ZSCAN1: variants seen among roughly 807,000 people sequenced by gnomAD.
ZSCAN1 encodes zinc finger and SCAN domain-containing protein 1.
ZSCAN1 carries 23 observed loss-of-function variants against 23.8 expected under a neutral mutation model. That is an observed-to-expected ratio of 0.97 (90% confidence interval 0.70 to 1.37). ZSCAN1 has a LOEUF of 1.37. Among genes scored for constraint, ZSCAN1 ranks in the 40% most tolerant of loss-of-function variants. The pLI is 0.00. For synonymous variants in ZSCAN1, 236 were observed against 232.3 expected, an observed-to-expected ratio of 1.02 and a Z score of -0.15; for missense variants, 575 against 554.0, an observed-to-expected ratio of 1.04 and a Z score of -0.38.
intron 4 of ZSCAN1, among the ~76,000 whole-genome samples, chr19:58,043,513 C>T (rs772647865): frequency 6.6e-6 from 1 of 152,206 alleles, no homozygotes; most frequent in Non-Finnish European, 1.5e-5. Context: ...CTGGGTGAGT[C>T]TGAGTGGTGA....
At chr19:58,038,533 T>A (rs1286916307) in intron 3 of ZSCAN1, 4 of 552,942 alleles carry the variant, frequency 7.2e-6, no homozygotes, top group Non-Finnish European at 9.5e-6. Context: ...CCCAGCCACC[T>A]GCAGCGCCTC....
At chr19:58,039,770 CAAAAA>C (rs67254346) in intron 3 of ZSCAN1, among the ~76,000 whole-genome samples, 1 of 83,296 alleles carries the variant, frequency 1.2e-5, no homozygotes, top group African/African-American at 4.5e-5. Flanking sequence ...GACTCCGTCT[CAAAAA>C]AAAAAAAAAA....
intron 2 of ZSCAN1, among the ~76,000 whole-genome samples, chr19:58,036,719 C>T (rs1039063072): frequency 6.6e-5 from 10 of 151,790 alleles, no homozygotes. Flanking sequence ...TGGAATCTCA[C>T]GCTGTCACTC....
intron 4 of ZSCAN1, among the ~76,000 whole-genome samples, chr19:58,044,415 T>A (rs960473843): frequency 6.6e-6 from 1 of 151,566 alleles, no homozygotes; most frequent in African/African-American, 2.4e-5. Flanking sequence ...TAAACCTTTT[T>A]AAAAACCAAA....
At chr19:58,046,302 C>A in intron 4 of ZSCAN1, 2 of 833,652 alleles carry the variant, frequency 2.4e-6, no homozygotes, top group Non-Finnish European at 2.1e-6. Flanking sequence ...AGGACTACAG[C>A]GAGGACTTGC....
At chr19:58,051,905 C>T (rs1286641994) in intron 4 of ZSCAN1, among the ~76,000 whole-genome samples, 1 of 152,232 alleles carries the variant, frequency 6.6e-6, no homozygotes, top group Admixed American at 6.5e-5. Context: ...TGCTCTTCAA[C>T]CACAGCTCAG....
intron 4 of ZSCAN1, among the ~76,000 whole-genome samples, chr19:58,042,733 C>T (rs1344314992): frequency 1.3e-5 from 2 of 152,206 alleles, no homozygotes; most frequent in Non-Finnish European, 2.9e-5. Context: ...ATCCCAGACG[C>T]CACGTGGAAA....
Position 58,045,002 on chromosome 19 carries a change from C to A in ZSCAN1, c.465+4458C>A. 8.7e-7 allele frequency: 1 copy of A among 1,149,620 alleles called. No individual in the cohort carries two copies. The highest frequency in any genetic ancestry group is 1.3e-6 in the Non-Finnish European group (1 of 764,638). The allele number at this position is 1,149,620 out of a possible 1,614,324, so 71.2% of individuals were successfully genotyped here. A position where few individuals can be genotyped will look rare whatever the true frequency, so the allele number is the denominator to read the frequency against. The stretch of plus-strand genomic sequence containing the variant: ...AACAAGAAGCTGGAGGAAGGCGGCC[C>A]TGTGTACAGCGCCCCCGCAGAGATG... On this transcript the variant is annotated intron_variant, in intron 4 of 5. Coordinates refer to ENST00000282326, the MANE Select transcript of ZSCAN1 (RefSeq NM_182572.4). This position sits in a 1 kb window ranked among gnomAD's most constrained non-coding sequence, Gnocchi z 4.3.
intron 4 of ZSCAN1, among the ~76,000 whole-genome samples, chr19:58,041,934 GC>G (rs2073792212): frequency 6.6e-6 from 1 of 152,200 alleles, no homozygotes; most frequent in Non-Finnish European, 1.5e-5. Context: ...ACTTTGGGAG[GC>G]TGAGGCAGGC....
In ZSCAN1 at chr19:58,054,050, G is replaced by T; in HGVS notation, c.1226G>T (p.Ter409LeuextTer68). ...QKLHTAHGHM[*>L] ...CTCCACACGGCCCACGGCCACATGT[G>T]AATGGCCAGCCTCGGGCCTCGGCCA... is the stretch of plus-strand genomic sequence containing the variant. Residue 409 changes from the stop codon to leucine, a stop_lost, in exon 6 of 6, where the codon TGA becomes TTA. Transcript: ENST00000282326. This position sits in a 1 kb window ranked among gnomAD's most constrained non-coding sequence, Gnocchi z 4.2. The T allele has an allele frequency of 1.3e-6, 2 of 1,506,478 alleles. No homozygotes were observed. 93.3% of individuals were successfully genotyped at this position (1,506,478 alleles called of 1,614,324 possible). A position where few individuals can be genotyped will look rare whatever the true frequency, so the allele number is the denominator to read the frequency against.
In ZSCAN1 at chr19:58,034,137, C is replaced by T. The variant is rs1448797238; in HGVS notation, c.-176C>T. Reference sequence around the variant, plus strand: ...CAGGGGTCGCCATGACCGAGTGGCCCAGGCCCGAGCGAAGCCCGCGCGCGG... The same window carrying T: ...CAGGGGTCGCCATGACCGAGTGGCCTAGGCCCGAGCGAAGCCCGCGCGCGG... On this transcript the variant is annotated 5_prime_UTR_variant, in exon 1 of 6. It introduces an in-frame stop codon into an upstream open reading frame of the 5' UTR. Transcript: ENST00000282326. 6.6e-6 allele frequency: 1 copy of T among 151,100 alleles called. No homozygotes were observed. Among genetic ancestry groups the T allele is most frequent in the Non-Finnish European group, 1.5e-5 (1 of 67,678 alleles). 9.4% of individuals were successfully genotyped at this position (151,100 alleles called of 1,614,324 possible).
At chr19:58,043,024 G>A (rs1157200882) in intron 4 of ZSCAN1, among the ~76,000 whole-genome samples, 1 of 152,260 alleles carries the variant, frequency 6.6e-6, no homozygotes, top group East Asian at 1.9e-4. Context: ...GGATCGGGGC[G>A]CTGGTGAGCG....
chr19:58,054,825 T>C (rs2073881410), downstream of ZSCAN1, among the ~76,000 whole-genome samples: 1 of 152,184 alleles, frequency 6.6e-6, no homozygotes. This position sits in a 1 kb window ranked among gnomAD's most constrained non-coding sequence, Gnocchi z 4.2. Flanking sequence ...CTGACCTGCC[T>C]GTATTTTGTT....
At chr19:58,051,630 G>T in intron 4 of ZSCAN1, among the ~76,000 whole-genome samples, 1 of 152,290 alleles carries the variant, frequency 6.6e-6, no homozygotes, top group Non-Finnish European at 1.5e-5. Context: ...TTGTCAGTGC[G>T]TGCTTGACTC....
intron 4 of ZSCAN1, 120 bp from the exon 5 acceptor site, chr19:58,052,370 C>T (rs774349630): frequency 2.5e-5 from 38 of 1,506,474 alleles, no homozygotes; most frequent in Middle Eastern, 2.4e-4. Flanking sequence ...GGCGCGACAC[C>T]GCGCACTGCC....
rs779775559 is a variant in ZSCAN1 at position 58,053,824 on chromosome 19, G to A, written c.1000G>A (p.Val334Ile). The A allele has an allele frequency of 5.8e-5, 93 of 1,613,996 alleles. No homozygotes were observed. The highest frequency in any genetic ancestry group is 7.8e-5 in the Non-Finnish European group (92 of 1,180,030). ...ECGKVFLHNS[V>I]LTEHGKIHLL... ...TGGCAAGGTCTTCCTGCACAACTCCGTCCTCACTGAGCATGGCAAGATCCA... is the reference window on the plus strand; with the variant it reads ...TGGCAAGGTCTTCCTGCACAACTCCATCCTCACTGAGCATGGCAAGATCCA... The change falls in exon 6 of 6, where the codon GTC becomes ATC. Residue 334 changes from valine (V) to isoleucine (I), a missense_variant. Physicochemically the swap from Val to Ile is conservative, Grantham distance 29. Transcript: ENST00000282326. This position sits in a 1 kb window ranked among gnomAD's most constrained non-coding sequence, Gnocchi z 5.8.
At position 58,037,949 on chromosome 19, in the gene ZSCAN1, G is replaced by A. The variant is rs1038549774; in HGVS notation, c.113G>A (p.Arg38His). ...PASPRDTEAQ[R>H]LRFRQFQYHV... is the part of the protein sequence containing the mutation. ...AGCCCCAGGGACACCGAAGCCCAGC[G>A]TCTGCGCTTCCGGCAGTTCCAGTAC... The change falls in exon 3 of 6, where the codon CGT becomes CAT. Residue 38 changes from arginine to histidine, a missense_variant. By Grantham distance (29) the Arg-to-His change is conservative. Transcript: ENST00000282326. The A allele has an allele frequency of 8.7e-6, 14 of 1,603,838 alleles. No individual in the cohort carries two copies. Among genetic ancestry groups the A allele is most frequent in the Admixed American group, 1.7e-5 (1 of 59,910 alleles).
Position 58,045,206 on chromosome 19 carries a change from C to T in ZSCAN1, c.465+4662C>T. 1.2e-6 allele frequency: 1 copy of T among 854,946 alleles called. No individual in the cohort carries two copies. The highest frequency in any genetic ancestry group is 1.3e-5 in the South Asian group (1 of 75,648). 53.0% of individuals were successfully genotyped at this position (854,946 alleles called of 1,614,324 possible). On this transcript the variant is annotated intron_variant, in intron 4 of 5. Coordinates refer to ENST00000282326, the MANE Select transcript of ZSCAN1 (RefSeq NM_182572.4). This position sits in a 1 kb window ranked among gnomAD's most constrained non-coding sequence, Gnocchi z 4.3. ...TGCTCCGGTTCTGTGCCGACCTCTT[C>T]CGCCTGGTGCCGTTCCTCCTGTTCG...
rs1337259500 is a variant in ZSCAN1 at position 58,040,591 on chromosome 19, C to T, written c.465+47C>T. The T allele has an allele frequency of 1.2e-5, 19 of 1,581,220 alleles. No individual in the cohort carries two copies. The highest frequency in any genetic ancestry group is 2.2e-5 in the East Asian group (1 of 44,692). On this transcript the variant is annotated intron_variant, in intron 4 of 5. Coordinates refer to ENST00000282326, the MANE Select transcript of ZSCAN1 (RefSeq NM_182572.4). This position sits in a 1 kb window ranked among gnomAD's most constrained non-coding sequence, Gnocchi z 5.8. ...CCGTGCTCCTGCACCCCAGGGCATG[C>T]GTGCCGCTTCTGGGACGGCCTCAAG...
Sources: allele counts gnomAD v4.1 joint callset (sites outside exome capture counted in the v4.1 genomes callset), GRCh38; gene constraint gnomAD v4.1.1; non-coding constraint Gnocchi (gnomAD v3.1); transcripts MANE v1.5; gene names NCBI Gene and HGNC (gene_info 2026-07-23, HGNC 2026-07-21).